ITGA5: variants seen among roughly 807,000 people sequenced by gnomAD.
ITGA5 encodes the protein integrin alpha-5.
A neutral mutation model predicts 146.3 loss-of-function variants in ITGA5; 55 were observed. That is an observed-to-expected ratio of 0.38 (90% CI 0.30 to 0.47). The LOEUF (loss-of-function observed/expected upper bound fraction) is 0.47, where lower values mean the gene tolerates loss of function less well. Among genes scored for constraint, ITGA5 ranks in the 20% least tolerant of loss-of-function variants. The pLI is 0.99. For missense variants in ITGA5, 1,131 were observed against 1,329.0 expected (o/e 0.85, Z 2.32); for synonymous variants, 500 against 531.8 (o/e 0.94, Z 0.82).
chr12:54,412,016 G>T, intron 1 of ITGA5, 52 bp from the exon 2 acceptor site: 1 of 1,471,646 alleles, frequency 6.8e-7, no homozygotes. Context: ...CTTTTCATTG[G>T]TGTCTGGAGG....
chr12:54,403,817 T>C lies in ITGA5; in HGVS notation c.1622-38A>G. ...ACATATAAAGGGAAACTGCCTGTCT[T>C]TCCTCATCTTTTCAGAGAGAAGAAA... On this transcript the variant is annotated intron_variant, in intron 16 of 29. Transcript: ENST00000293379. This position sits in a 1 kb window ranked among gnomAD's most constrained non-coding sequence, Gnocchi z 4.9. 1 of 1,610,940 alleles carries C rather than the reference T, an allele frequency of 6.2e-7. No homozygotes were observed. The highest frequency in any genetic ancestry group is 2.2e-5 in the East Asian group (1 of 44,768).
Position 54,399,899 on chromosome 12 carries a change from T to A in ITGA5, c.2692A>T (p.Ser898Cys), listed in dbSNP as rs768271279. The change falls in exon 26 of 30, where the codon AGC becomes TGC. Residue 898 changes from serine (S) to cysteine (C), a missense_variant. Physicochemically the swap from Ser to Cys is moderately radical, Grantham distance 112 (BLOSUM62 -1). Coordinates refer to ENST00000293379, the MANE Select transcript of ITGA5 (RefSeq NM_002205.5). The part of the protein sequence containing the change: ...LHHQQKREAP[S>C]RSSASSGPQI... ...GGTCCCGAGGAAGCAGAGCTGCGGC[T>A]TGGAGCTTCCCGTTTTTGCTGGTGG... The A allele has an allele frequency of 1.9e-6, 3 of 1,614,072 alleles. No homozygotes were observed. In the East Asian group the frequency reaches 6.7e-5, roughly 36 times the overall value.
At position 54,401,745 on chromosome 12, in the gene ITGA5, C is replaced by T. The variant is rs748113835; in HGVS notation, c.2306+31G>A. The T allele has an allele frequency of 6.2e-7, 1 of 1,612,412 alleles. No homozygotes were observed. Among genetic ancestry groups the T allele is most frequent in the Non-Finnish European group, 8.5e-7 (1 of 1,178,486 alleles). ...CCAGCCCTCCCTTCCGTCCCCAGCTCAGCCCCAGCCTAGACACACTCACTC... is the reference window on the plus strand; with the variant it reads ...CCAGCCCTCCCTTCCGTCCCCAGCTTAGCCCCAGCCTAGACACACTCACTC... On this transcript the variant is annotated intron_variant, in intron 22 of 29. Transcript: ENST00000293379. This position sits in a 1 kb window ranked among gnomAD's most constrained non-coding sequence, Gnocchi z 5.0.
intron 11 of ITGA5, 57 bp downstream of exon 11, chr12:54,405,607 A>G: frequency 2.7e-6 from 4 of 1,464,684 alleles, no homozygotes; most frequent in Non-Finnish European, 3.8e-6. Context: ...TCCCATTCCC[A>G]CTCTTCCCTC....
intron 25 of ITGA5, 56 bp downstream of exon 25, chr12:54,400,790 C>T: frequency 6.4e-7 from 1 of 1,573,424 alleles, no homozygotes; most frequent in South Asian, 1.2e-5. Flanking sequence ...CCCAACCCCT[C>T]AGCCTTGGTC....
chr12:54,403,239 T>C lies in ITGA5; in HGVS notation c.1862A>G (p.His621Arg), dbSNP rs765560841. ...ATAATGTAGGGCTGGCCTGAGGCCG[T>C]GGCTGTCCACTGGGGCTTGGGGGTC... Reference protein sequence around the residue: ...SLDPQAPVDSHGLRPALHYQS... With the variant: ...SLDPQAPVDSRGLRPALHYQS... Residue 621 changes from histidine (H) to arginine (R), a missense_variant, in exon 18 of 30, where the codon CAC (histidine) becomes CGC (arginine). His to Arg is a conservative substitution (Grantham distance 29). Coordinates refer to ENST00000293379, the MANE Select transcript of ITGA5 (RefSeq NM_002205.5). The surrounding 1 kb of genome is among the most constrained non-coding windows in gnomAD (Gnocchi z 4.9). The C allele has an allele frequency of 1.2e-5, 19 of 1,571,408 alleles. No individual in the cohort carries two copies. The South Asian group carries it at 2.1e-4, about 18-fold the overall frequency.
rs141633329 is a variant in ITGA5, at chr12:54,415,513, C to T, written c.218+3468G>A. Among the ~76,000 whole-genome samples, 515 of 152,300 alleles carry T rather than the reference C, an allele frequency of 3.4e-3. 6 individuals are homozygous for T. Among genetic ancestry groups the T allele is most frequent in the African/African-American group, 0.011 (455 of 41,550 alleles). On this transcript the variant is annotated intron_variant, in intron 1 of 29. Coordinates refer to ENST00000293379, the MANE Select transcript of ITGA5 (RefSeq NM_002205.5). The stretch of plus-strand genomic sequence containing the variant: ...TATCTCAGAGGAGTTAAGTAATGGG[C>T]TTAGGTCACTCATAATCCCTCCCAG...
chr12:54,401,570 T>C lies in ITGA5; in HGVS notation c.2387+15A>G, dbSNP rs1955784244. On this transcript the variant is annotated intron_variant, in intron 23 of 29. Transcript: ENST00000293379. This position sits in a 1 kb window ranked among gnomAD's most constrained non-coding sequence, Gnocchi z 5.0. ...TGTCCCCTCTCAGAAAGACCCCATT[T>C]TGCCTGGCACTGACCCGTTCAGGGT... 1 of 1,613,486 alleles carries C rather than the reference T, an allele frequency of 6.2e-7. No homozygotes were observed. The highest frequency in any genetic ancestry group is 8.5e-7 in the Non-Finnish European group (1 of 1,179,532).
intron 1 of ITGA5, among the ~76,000 whole-genome samples, chr12:54,413,983 T>C (rs1264185809): frequency 6.6e-6 from 1 of 152,190 alleles, no homozygotes; most frequent in African/African-American, 2.4e-5. Flanking sequence ...CCTGAGGAAG[T>C]AGCCTGGAGT....
intron 1 of ITGA5, among the ~76,000 whole-genome samples, chr12:54,415,774 A>G (rs548402182): frequency 1.3e-5 from 2 of 152,318 alleles, no homozygotes; most frequent in South Asian, 4.1e-4. Context: ...GCCAGGCCAG[A>G]GGAGGACACC....
At chr12:54,410,557 T>G (rs1955930882) in intron 2 of ITGA5, among the ~76,000 whole-genome samples, 1 of 151,554 alleles carries the variant, frequency 6.6e-6, no homozygotes, top group African/African-American at 2.4e-5. Context: ...TTTTAATTTT[T>G]TTTTTTTTTT....
At chr12:54,414,580 C>A (rs1955982173) in intron 1 of ITGA5, among the ~76,000 whole-genome samples, 1 of 152,176 alleles carries the variant, frequency 6.6e-6, no homozygotes, top group Non-Finnish European at 1.5e-5. Context: ...GGTGCGGTGG[C>A]TCACGCCTGT....
At position 54,405,686 on chromosome 12, in the gene ITGA5, C is replaced by G; in HGVS notation, c.994G>C (p.Ala332Pro). 1 of 1,613,834 alleles carries G rather than the reference C, an allele frequency of 6.2e-7. No homozygotes were observed. Among genetic ancestry groups the G allele is most frequent in the Non-Finnish European group, 8.5e-7 (1 of 1,179,782 alleles). The change falls in exon 11 of 30, where the codon GCC becomes CCC. Residue 332 changes from alanine (A) to proline (P), a missense_variant. By Grantham distance (27) the Ala-to-Pro change is conservative. Around this residue, in one of 3 missense-constraint regions of ITGA5, gnomAD observed 889 missense variants for 1,021.5 expected, o/e 0.87. Coordinates refer to ENST00000293379, the MANE Select transcript of ITGA5 (RefSeq NM_002205.5). The stretch of plus-strand genomic sequence containing the variant: ...CACCCGTCCCCATTGACGTCTGTGG[C>G]GGCCACTGCATAGCCAAAGTAGGAG... ...MASYFGYAVA[A>P]TDVNGDGLDD... is the part of the protein sequence containing the mutation.
rs1330631505 is a variant in ITGA5, at chr12:54,403,315, C to G, written c.1786G>C (p.Glu596Gln). Residue 596 changes from glutamate to glutamine, a missense_variant, in exon 18 of 30, where the codon GAA (glutamate) becomes CAA (glutamine). This residue lies in a region of ITGA5 where 889 missense variants were observed against 1,021.5 expected (regional missense o/e 0.87). Coordinates refer to ENST00000293379, the MANE Select transcript of ITGA5 (RefSeq NM_002205.5). The surrounding 1 kb of genome is among the most constrained non-coding windows in gnomAD (Gnocchi z 4.9). ...EMKIYLRNES[E>Q]FRDKLSPIHI... ...ATCGGCGAGAGTTTGTCTCGAAATTCTGACTCGTTCTGGGGCCAGAGGAGA... is the reference window on the plus strand; with the variant it reads ...ATCGGCGAGAGTTTGTCTCGAAATTGTGACTCGTTCTGGGGCCAGAGGAGA... The G allele has an allele frequency of 1.3e-6, 2 of 1,527,804 alleles. No individual in the cohort carries two copies. Among genetic ancestry groups the G allele is most frequent in the South Asian group, 2.6e-5 (2 of 75,986 alleles). The allele number at this position is 1,527,804 out of a possible 1,614,324, so 94.6% of individuals were successfully genotyped here. A position where few individuals can be genotyped will look rare whatever the true frequency, so the allele number is the denominator to read the frequency against.
rs562782612 is a variant in ITGA5 at position 54,404,413 on chromosome 12, C to T, written c.1463+17G>A. 5 of 1,613,496 alleles carry T rather than the reference C, an allele frequency of 3.1e-6. No individual in the cohort carries two copies. The African/African-American group carries it at 6.7e-5, about 21-fold the overall frequency. On this transcript the variant is annotated intron_variant, in intron 14 of 29. Coordinates refer to ENST00000293379, the MANE Select transcript of ITGA5 (RefSeq NM_002205.5). ...GTCCACCCAGGTTGTCCCCTCATCT[C>T]CCTTTGGAGCTCATACCTGTATACC...
intron 9 of ITGA5, among the ~76,000 whole-genome samples, chr12:54,406,809 T>A (rs1565642237): frequency 6.6e-6 from 1 of 152,166 alleles, no homozygotes; most frequent in Non-Finnish European, 1.5e-5. Context: ...AAATTTAAAA[T>A]TTTTATTTCC....
In ITGA5 at chr12:54,411,980, G is replaced by C; in HGVS notation, c.219-16C>G. ...CACACTGACCCTGTGGGGGGGAAAA[G>C]CGAGGCAGTTGAGGATGGCTCCTAG... On this transcript the variant is annotated splice_polypyrimidine_tract_variant and intron_variant, in intron 1 of 29. Transcript: ENST00000293379. The C allele has an allele frequency of 6.4e-7, 1 of 1,562,172 alleles. No individual in the cohort carries two copies. Among genetic ancestry groups the C allele is most frequent in the Non-Finnish European group, 8.7e-7 (1 of 1,155,386 alleles).
chr12:54,403,522 G>A lies in ITGA5; in HGVS notation c.1776+103C>T. 7.2e-7 allele frequency: 1 copy of A among 1,387,952 alleles called. No individual in the cohort carries two copies. The allele number at this position is 1,387,952 out of a possible 1,614,324, so 86.0% of individuals were successfully genotyped here. A position where few individuals can be genotyped will look rare whatever the true frequency, so the allele number is the denominator to read the frequency against. On this transcript the variant is annotated intron_variant, in intron 17 of 29. Transcript: ENST00000293379. The surrounding 1 kb of genome is among the most constrained non-coding windows in gnomAD (Gnocchi z 4.9). Reference sequence around the variant, plus strand: ...TTCTCAGCCCCTACAAGAGTCCCAAGCCCTTCACTGGAGTCCCCCAGTCTT... The same window carrying A: ...TTCTCAGCCCCTACAAGAGTCCCAAACCCTTCACTGGAGTCCCCCAGTCTT...
Position 54,409,027 on chromosome 12 carries a change from G to A in ITGA5, c.584-73C>T. 6.7e-7 allele frequency: 1 copy of A among 1,502,056 alleles called. No homozygotes were observed. The highest frequency in any genetic ancestry group is 9.2e-7 in the Non-Finnish European group (1 of 1,082,940). The allele number at this position is 1,502,056 out of a possible 1,614,324, so 93.0% of individuals were successfully genotyped here. A position where few individuals can be genotyped will look rare whatever the true frequency, so the allele number is the denominator to read the frequency against. On this transcript the variant is annotated intron_variant, in intron 4 of 29. Coordinates refer to ENST00000293379, the MANE Select transcript of ITGA5 (RefSeq NM_002205.5). The surrounding 1 kb of genome is among the most constrained non-coding windows in gnomAD (Gnocchi z 4.7). ...TCCAGGAAAGAAGAGAGGGCATAGGGAAGGAGGTGGGAGAGAGAACCAGAG... is the reference window on the plus strand; with the variant it reads ...TCCAGGAAAGAAGAGAGGGCATAGGAAAGGAGGTGGGAGAGAGAACCAGAG...
Sources: gnomAD v4.1 joint callset for allele counts (sites outside exome capture counted in the v4.1 genomes callset) on GRCh38, gnomAD v4.1.1 for gene constraint, gnomAD v4.1.1 regional missense constraint, Gnocchi (gnomAD v3.1) non-coding constraint, MANE v1.5 for transcripts, NCBI Gene and HGNC (gene_info 2026-07-23, HGNC 2026-07-21) for gene names.